The following DLL1 variants were observed in gnomAD, a reference collection of about 807,000 sequenced individuals.
DLL1 encodes the protein delta-like protein 1.
A neutral mutation model predicts 75.1 loss-of-function variants in DLL1; 9 were observed. That is an observed-to-expected ratio of 0.12 (90% confidence interval 0.07 to 0.21). The LOEUF (loss-of-function observed/expected upper bound fraction) is 0.21, where lower values mean the gene tolerates loss of function less well. Ranked by LOEUF, DLL1 falls within the 10% of genes least tolerant of loss-of-function variation. DLL1 has a pLI of 1.00. For missense variants in DLL1, 837 were observed against 1,007.6 expected (o/e 0.83, Z 2.29); for synonymous variants, 477 against 418.3 (o/e 1.14, Z -1.71).
chr6:170,290,548 C>T lies in DLL1; in HGVS notation c.-409G>A, dbSNP rs1000680227. ...AGAGTCCAGAGATTGAGCTTAATTC[C>T]CAAGAGAGCTGCAGAGCTTCCTCCC... On this transcript the variant is annotated 5_prime_UTR_variant, in exon 1 of 11. Coordinates refer to ENST00000366756, the MANE Select transcript of DLL1 (RefSeq NM_005618.4). The surrounding 1 kb of genome is among the most constrained non-coding windows in gnomAD (Gnocchi z 4.7). The T allele has an allele frequency of 3.7e-5, 9 of 243,904 alleles. No homozygotes were observed. In the Admixed American group the frequency reaches 4.1e-4, roughly 11 times the overall value. The allele number at this position is 243,904 out of a possible 1,614,324, so 15.1% of individuals were successfully genotyped here.
At position 170,284,993 on chromosome 6, in the gene DLL1, C is replaced by A. The variant is rs772542921; in HGVS notation, c.1175G>T (p.Arg392Leu). Residue 392 changes from arginine to leucine, a missense_variant, in exon 8 of 11, where the codon CGC becomes CTC. This residue lies in a region of DLL1 where 533 missense variants were observed against 545.7 expected (regional missense o/e 0.98). Transcript: ENST00000366756. The part of the protein sequence containing the change: ...SDSPDGGYSC[R>L]CPVGYSGFNC... ...GAAGCCGGAGTAGCCCACGGGGCAGCGGCAGCTGTACCCTCCATCGGGGCT... is the reference window on the plus strand; with the variant it reads ...GAAGCCGGAGTAGCCCACGGGGCAGAGGCAGCTGTACCCTCCATCGGGGCT... 6.2e-6 allele frequency: 10 copies of A among 1,614,144 alleles called. No homozygotes were observed. In the South Asian group the frequency reaches 1.1e-4, roughly 18 times the overall value.
chr6:170,285,191 C>G, intron 7 of DLL1, 56 bp from the exon 8 acceptor site: 1 of 1,613,846 alleles, frequency 6.2e-7, no homozygotes, highest in Admixed American at 1.7e-5. Context: ...GGAGCCCACA[C>G]ACTCCATTCA....
At chr6:170,289,058 G>A (rs1034347809) in intron 2 of DLL1, 1 of 599,516 alleles carries the variant, frequency 1.7e-6, no homozygotes. Flanking sequence ...TAGAGAGAGA[G>A]AGAGAATGCA....
intron 8 of DLL1, among the ~76,000 whole-genome samples, 181 bp from the exon 9 acceptor site, chr6:170,284,210 A>G (rs144855150): frequency 4.1e-4 from 63 of 152,344 alleles, no homozygotes; most frequent in African/African-American, 1.5e-3. Context: ...AGAGGTGTCC[A>G]GGTCTAGCTC....
At chr6:170,286,116 GTTCAATC>G in intron 5 of DLL1, 115 bp downstream of exon 5, 1 of 1,232,128 alleles carries the variant, frequency 8.1e-7, no homozygotes, top group Non-Finnish European at 1.2e-6. Context: ...ACGGCCCCCT[GTTCAATC>G]AATCTTACTG....
chr6:170,285,753 T>A lies in DLL1; in HGVS notation c.732-54A>T. 4.3e-6 allele frequency: 7 copies of A among 1,611,312 alleles called. No individual in the cohort carries two copies. In the South Asian group the frequency reaches 5.5e-5, roughly 13 times the overall value. ...ACGTTGACTGTTGCTGGCTTTGCAG[T>A]GGACATTCTCACCCTAGAAACCATC... is the stretch of plus-strand genomic sequence containing the variant. On this transcript the variant is annotated intron_variant, in intron 5 of 10. Coordinates refer to ENST00000366756, the MANE Select transcript of DLL1 (RefSeq NM_005618.4).
In DLL1 at chr6:170,290,016, C is replaced by A; in HGVS notation, c.54+70G>T. 1 of 1,391,300 alleles carries A rather than the reference C, an allele frequency of 7.2e-7. No homozygotes were observed. Among genetic ancestry groups the A allele is most frequent in the Non-Finnish European group, 9.3e-7 (1 of 1,081,042 alleles). 86.2% of individuals were successfully genotyped at this position (1,391,300 alleles called of 1,614,324 possible). ...GTGCCGCTGTCCGCCCCTCCCCGCG[C>A]GCTCCTGCCCCGCGCCCCGGCTACC... On this transcript the variant is annotated intron_variant, in intron 1 of 10. Coordinates refer to ENST00000366756, the MANE Select transcript of DLL1 (RefSeq NM_005618.4). This position sits in a 1 kb window ranked among gnomAD's most constrained non-coding sequence, Gnocchi z 4.7.
In DLL1 at chr6:170,288,295, C is replaced by G. The variant is rs200590776; in HGVS notation, c.614G>C (p.Gly205Ala). Residue 205 changes from glycine to alanine, a missense_variant, in exon 4 of 11, where the codon GGG (glycine) becomes GCG (alanine). Transcript: ENST00000366756. Reference sequence around the variant, plus strand: ...GTTGCACACTTTCTCCCCACGCTCCCCACAGGTGAAGTGGCCGAAGGCATC... The same window carrying G: ...GTTGCACACTTTCTCCCCACGCTCCGCACAGGTGAAGTGGCCGAAGGCATC... ...RDDAFGHFTC[G>A]ERGEKVCNPG... The G allele has an allele frequency of 8.7e-6, 14 of 1,614,068 alleles. No homozygotes were observed. Among genetic ancestry groups the G allele is most frequent in the Non-Finnish European group, 1.2e-5 (14 of 1,180,038 alleles).
intron 2 of DLL1, chr6:170,289,069 G>A (rs1215195747): frequency 1.7e-6 from 1 of 594,736 alleles, no homozygotes; most frequent in Admixed American, 2.9e-5. Flanking sequence ...AGAGAATGCA[G>A]GCAGGATGGG....
rs1480541745 is a variant in DLL1, at chr6:170,290,230, G to C, written c.-91C>G. 2 of 1,496,216 alleles carry C rather than the reference G, an allele frequency of 1.3e-6. No individual in the cohort carries two copies. Among genetic ancestry groups the C allele is most frequent in the Non-Finnish European group, 1.8e-6 (2 of 1,106,646 alleles). The allele number at this position is 1,496,216 out of a possible 1,614,324, so 92.7% of individuals were successfully genotyped here. A position where few individuals can be genotyped will look rare whatever the true frequency, so the allele number is the denominator to read the frequency against. ...GCGGGGGATCGATGGGCCACGGGGA[G>C]CGTGGGCAGAAAAGCGCCCTTGCCT... On this transcript the variant is annotated 5_prime_UTR_variant, in exon 1 of 11. Transcript: ENST00000366756. This position sits in a 1 kb window ranked among gnomAD's most constrained non-coding sequence, Gnocchi z 4.7.
At position 170,289,751 on chromosome 6, in the gene DLL1, G is replaced by T. The variant is rs1304503621; in HGVS notation, c.112C>A (p.Leu38Met). The T allele has an allele frequency of 6.4e-7, 1 of 1,553,416 alleles. No homozygotes were observed. The highest frequency in any genetic ancestry group is 2.4e-5 in the East Asian group (1 of 41,344). ...CGGCAGCAGTTGCGGTTCCCCAGCA[G>T]CCCCTTCTTGTTGACGAACTCCTGC... The part of the protein sequence containing the change: ...KLQEFVNKKG[L>M]LGNRNCCRGG... The change falls in exon 2 of 11, where the codon CTG becomes ATG. Residue 38 changes from leucine to methionine, a missense_variant. By Grantham distance (15) the Leu-to-Met change is conservative. Transcript: ENST00000366756.
Position 170,285,846 on chromosome 6 carries a change from A to G in DLL1, c.732-147T>C, listed in dbSNP as rs9356633. ...AACACTGGGTCACCTTGGGAGCTGCAGCCTGGGCCTGGGCCCCACCAGAGG... is the reference window on the plus strand; with the variant it reads ...AACACTGGGTCACCTTGGGAGCTGCGGCCTGGGCCTGGGCCCCACCAGAGG... On this transcript the variant is annotated intron_variant, in intron 5 of 10. Transcript: ENST00000366756. 23 of 1,227,534 alleles carry G rather than the reference A, an allele frequency of 1.9e-5. No individual in the cohort carries two copies. The East Asian group carries it at 5.7e-4, about 30-fold the overall frequency. The allele number at this position is 1,227,534 out of a possible 1,614,324, so 76.0% of individuals were successfully genotyped here. A position where few individuals can be genotyped will look rare whatever the true frequency, so the allele number is the denominator to read the frequency against.
intron 2 of DLL1, 33 bp downstream of exon 2, chr6:170,289,479 G>A (rs542785311): frequency 9.8e-6 from 15 of 1,527,306 alleles, no homozygotes; most frequent in African/African-American, 2.8e-5. Context: ...CCAGCTTCAG[G>A]GCCGGCCCGG....
intron 2 of DLL1, chr6:170,289,136 T>G: frequency 1.7e-6 from 1 of 590,482 alleles, no homozygotes; most frequent in Non-Finnish European, 3.0e-6. Flanking sequence ...ACGCTCCGGG[T>G]GGTAGCGGTC....
At chr6:170,288,580 CA>C in intron 3 of DLL1, 84 bp from the exon 4 acceptor site, 1 of 1,613,110 alleles carries the variant, frequency 6.2e-7, no homozygotes, top group Non-Finnish European at 8.5e-7. Context: ...AGACATTCAG[CA>C]CGGGAAGGAG....
rs989864713 is a variant in DLL1, at chr6:170,282,807, G to A, written c.*67C>T. 1 of 1,610,974 alleles carries A rather than the reference G, an allele frequency of 6.2e-7. No homozygotes were observed. The highest frequency in any genetic ancestry group is 8.5e-7 in the Non-Finnish European group (1 of 1,178,268). ...TCCCTCCTCTTCAGCAGCATTCGTT[G>A]GGGCATATATCCTTGGAATTTTACT... On this transcript the variant is annotated 3_prime_UTR_variant, in exon 11 of 11. Transcript: ENST00000366756.
Position 170,290,910 on chromosome 6 carries a change from G to T in DLL1, c.-771C>A. 2 of 694,958 alleles carry T rather than the reference G, an allele frequency of 2.9e-6. No homozygotes were observed. The highest frequency in any genetic ancestry group is 1.5e-5 in the South Asian group (1 of 67,258). The allele number at this position is 694,958 out of a possible 1,614,324, so 43.0% of individuals were successfully genotyped here. On this transcript the variant is annotated 5_prime_UTR_variant, in exon 1 of 11. Transcript: ENST00000366756. The surrounding 1 kb of genome is among the most constrained non-coding windows in gnomAD (Gnocchi z 4.7). ...GCCCTCGGCCGGGTCGGGTCTCCGC[G>T]GGTGCGCGCAGAGGATCTGGCTCTC...
rs756232688 is a variant in DLL1, at chr6:170,283,570, C to T, written c.1709G>A (p.Arg570Gln). 1.5e-5 allele frequency: 24 copies of T among 1,613,164 alleles called. No individual in the cohort carries two copies. Among genetic ancestry groups the T allele is most frequent in the Admixed American group, 8.3e-5 (5 of 59,998 alleles). ...LGCAAVVVCV[R>Q]LRLQKHRPPA... Reference sequence around the variant, plus strand: ...GGGCCGGTGCTTCTGCAGCCTCAGCCGGACGCAGACCACCACAGCGGCACA... The same window carrying T: ...GGGCCGGTGCTTCTGCAGCCTCAGCTGGACGCAGACCACCACAGCGGCACA... The change falls in exon 9 of 11, where the codon CGG (arginine) becomes CAG (glutamine). Residue 570 changes from arginine to glutamine, a missense_variant. Physicochemically the swap from Arg to Gln is conservative, Grantham distance 43 (BLOSUM62 1). Transcript: ENST00000366756.
Position 170,290,148 on chromosome 6 carries a change from G to C in DLL1, c.-9C>G, listed in dbSNP as rs377090915. The C allele has an allele frequency of 1.3e-6, 2 of 1,592,984 alleles. No homozygotes were observed. The highest frequency in any genetic ancestry group is 2.7e-5 in the African/African-American group (2 of 74,366). On this transcript the variant is annotated 5_prime_UTR_variant, in exon 1 of 11. Coordinates refer to ENST00000366756, the MANE Select transcript of DLL1 (RefSeq NM_005618.4). The surrounding 1 kb of genome is among the most constrained non-coding windows in gnomAD (Gnocchi z 4.7). Reference sequence around the variant, plus strand: ...GCGCACCGACTGCCCATGCTGCTTCGCTCCACGCGCGAGCCTGGGGGGCCC... The same window carrying C: ...GCGCACCGACTGCCCATGCTGCTTCCCTCCACGCGCGAGCCTGGGGGGCCC...
Sources: allele counts gnomAD v4.1 joint callset (sites outside exome capture counted in the v4.1 genomes callset), GRCh38; gene constraint gnomAD v4.1.1; regional missense constraint gnomAD v4.1.1; non-coding constraint Gnocchi (gnomAD v3.1); transcripts MANE v1.5; gene names NCBI Gene and HGNC (gene_info 2026-07-23, HGNC 2026-07-21).